The following CDYL variants were observed in gnomAD, a reference collection of about 807,000 sequenced individuals.
The protein encoded by CDYL is chromodomain Y like, also known as chromodomain Y-like protein.
CDYL carries 8 observed loss-of-function variants against 47.3 expected under a neutral mutation model. The ratio of observed to expected loss-of-function variants is 0.17; its 90% CI spans 0.10 to 0.31. The LOEUF (loss-of-function observed/expected upper bound fraction) is 0.31, where lower values mean the gene tolerates loss of function less well. CDYL is among the 10% of genes least tolerant of loss of function. CDYL has a pLI of 1.00. For missense variants in CDYL, 471 were observed against 701.4 expected (o/e 0.67, Z 3.71); for synonymous variants, 266 against 265.0 (o/e 1.00, Z -0.04).
intron 1 of CDYL, among the ~76,000 whole-genome samples, chr6:4,825,161 G>A (rs6911106): frequency 0.027 from 4,040 of 152,230 alleles, 183 homozygotes; most frequent in African/African-American, 0.092. Flanking sequence ...ATGAATCACC[G>A]TGCCCCACTA....
intron 1 of CDYL, among the ~76,000 whole-genome samples, chr6:4,882,492 C>T (rs908798808): frequency 7.2e-5 from 11 of 152,164 alleles, no homozygotes; most frequent in Admixed American, 7.2e-4. Context: ...GGTTCTGACC[C>T]TTTTCAAACA....
At chr6:4,803,120 G>A (rs142921462) in intron 1 of CDYL, among the ~76,000 whole-genome samples, 155 of 152,314 alleles carry the variant, frequency 1.0e-3, no homozygotes, top group South Asian at 2.1e-3. Context: ...AGTCCCTTCG[G>A]ACCTGGCTGT....
chr6:4,774,762 A>G (rs1351852055), upstream of CDYL: 1 of 152,232 alleles, frequency 6.6e-6, no homozygotes, highest in African/African-American at 2.4e-5. Flanking sequence ...ACAAACCTTA[A>G]AATACAGAGA....
intron 3 of CDYL, among the ~76,000 whole-genome samples, chr6:4,753,194 A>C (rs1388875921): frequency 6.6e-6 from 1 of 152,150 alleles, no homozygotes; most frequent in East Asian, 1.9e-4. Context: ...GGAAAGCATG[A>C]GCCACGGTGC....
intron 1 of CDYL, among the ~76,000 whole-genome samples, chr6:4,794,902 A>C (rs1759027502): frequency 6.6e-6 from 1 of 152,108 alleles, no homozygotes. Context: ...TGTATTTGAA[A>C]AACTGTAATT....
chr6:4,716,848 C>A (rs1255758930), intron 2 of CDYL, among the ~76,000 whole-genome samples: 1 of 152,016 alleles, frequency 6.6e-6, no homozygotes, highest in Non-Finnish European at 1.5e-5. Flanking sequence ...AAGACACTGA[C>A]AAGGAGCTTT....
intron 1 of CDYL, among the ~76,000 whole-genome samples, chr6:4,778,112 A>G (rs1049435564): frequency 1.3e-5 from 2 of 152,142 alleles, no homozygotes; most frequent in African/African-American, 4.8e-5. Flanking sequence ...TAGGAAGGAA[A>G]GTGTTGTGTG....
intron 1 of CDYL, among the ~76,000 whole-genome samples, chr6:4,820,713 G>C (rs769640961): frequency 6.6e-6 from 1 of 152,216 alleles, no homozygotes; most frequent in African/African-American, 2.4e-5. Flanking sequence ...CAGTTCCCTT[G>C]TGAGTGCACT....
rs1230022281 is a variant in CDYL, at chr6:4,894,946, TGC to T, written c.691+2568_691+2569del. On this transcript the variant is annotated intron_variant, in intron 2 of 6. Transcript: ENST00000397588. ...ACATATGTATGTGTGTATATGTGTATGCATGTGTATATATACGTATGTGTATA... is the reference window on the plus strand; with the variant it reads ...ACATATGTATGTGTGTATATGTGTATATGTGTATATATACGTATGTGTATA... 2.9e-3 allele frequency among the ~76,000 whole-genome samples: 41 copies of T among 14,278 alleles called. 1 individual carries two copies. In the East Asian group the frequency reaches 0.14, roughly 49 times the overall value. The allele number at this position is 14,278 out of a possible 152,430, so 9.4% of individuals were successfully genotyped here.
In CDYL at chr6:4,955,052, A is replaced by G. The variant is rs1463340605; in HGVS notation, c.*996A>G. On this transcript the variant is annotated 3_prime_UTR_variant, in exon 7 of 7. Transcript: ENST00000397588. ...TAAGTTAAAATTCTTTTGGCACACT[A>G]TTAAATGCAAAAACTCCTTTCAAAA... The G allele has an allele frequency of 6.6e-6, 1 of 152,640 alleles. No individual in the cohort carries two copies. Among genetic ancestry groups the G allele is most frequent in the African/African-American group, 2.4e-5 (1 of 41,476 alleles). 9.5% of individuals were successfully genotyped at this position (152,640 alleles called of 1,614,324 possible).
intron 2 of CDYL, among the ~76,000 whole-genome samples, chr6:4,926,841 T>C (rs1332339421): frequency 6.6e-6 from 1 of 152,054 alleles, no homozygotes; most frequent in African/African-American, 2.4e-5. Context: ...TCATGTATGA[T>C]TTTGGGGATG....
chr6:4,896,484 T>C (rs906604041), intron 2 of CDYL, among the ~76,000 whole-genome samples: 1 of 152,168 alleles, frequency 6.6e-6, no homozygotes, highest in Non-Finnish European at 1.5e-5. Context: ...AGACAAGGGT[T>C]GTTGTAAGGA....
At chr6:4,750,091 C>A (rs1201965828) in intron 3 of CDYL, among the ~76,000 whole-genome samples, 1 of 152,170 alleles carries the variant, frequency 6.6e-6, no homozygotes, top group Non-Finnish European at 1.5e-5. Flanking sequence ...GTAATCTCAG[C>A]ACTTTGGGAG....
At chr6:4,723,745 AAAC>A (rs1757421262) in intron 2 of CDYL, among the ~76,000 whole-genome samples, 5 of 152,172 alleles carry the variant, frequency 3.3e-5, no homozygotes, top group East Asian at 1.9e-4. Flanking sequence ...GAAGGCACAC[AAAC>A]AACACATAAG....
intron 2 of CDYL, among the ~76,000 whole-genome samples, chr6:4,734,488 C>T (rs1582293765): frequency 6.6e-6 from 1 of 152,334 alleles, no homozygotes; most frequent in South Asian, 2.1e-4. Context: ...CACAGCACAT[C>T]CTTCCACTCC....
At chr6:4,821,890 AT>A (rs1759849134) in intron 1 of CDYL, among the ~76,000 whole-genome samples, 2 of 152,210 alleles carry the variant, frequency 1.3e-5, no homozygotes, top group Middle Eastern at 3.4e-3. Flanking sequence ...AATTTTCCAA[AT>A]TTTAGTTGTT....
chr6:4,790,080 T>C (rs1758877460), intron 1 of CDYL, among the ~76,000 whole-genome samples: 1 of 152,146 alleles, frequency 6.6e-6, no homozygotes, highest in South Asian at 2.1e-4. Context: ...TTGATAATGA[T>C]AAAAAGCAAC....
At chr6:4,930,968 G>GT (rs1184932506) in intron 2 of CDYL, among the ~76,000 whole-genome samples, 1 of 152,128 alleles carries the variant, frequency 6.6e-6, no homozygotes. Context: ...GAGGGGGGCG[G>GT]TTTTTTTCTG....
chr6:4,822,385 A>G (rs1759865307), intron 1 of CDYL, among the ~76,000 whole-genome samples: 1 of 150,876 alleles, frequency 6.6e-6, no homozygotes, highest in South Asian at 2.1e-4. Context: ...TAGAAATATA[A>G]AAAGCATTAA....
Sources: gnomAD v4.1 joint callset for allele counts (sites outside exome capture counted in the v4.1 genomes callset) on GRCh38, gnomAD v4.1.1 for gene constraint, MANE v1.5 for transcripts, NCBI Gene and HGNC (gene_info 2026-07-23, HGNC 2026-07-21) for gene names.